Variants in ITK observed in about 807,000 individuals in gnomAD.
ITK encodes the protein tyrosine-protein kinase ITK/TSK.
ITK carries 45 observed loss-of-function variants against 87.6 expected under a neutral mutation model. That is an observed-to-expected ratio of 0.51 (90% CI 0.40 to 0.66). ITK has a LOEUF of 0.66. Ranked by LOEUF, ITK falls within the 30% of genes least tolerant of loss-of-function variation. ITK has a pLI of 0.00. For missense variants in ITK, 605 were observed against 766.3 expected, an observed-to-expected ratio of 0.79 and a Z score of 2.48; for synonymous variants, 303 against 273.6, an observed-to-expected ratio of 1.11 and a Z score of -1.06.
intron 8 of ITK, among the ~76,000 whole-genome samples, chr5:157,235,465 T>C (rs542539412): frequency 5.3e-5 from 8 of 152,236 alleles, no homozygotes; most frequent in Non-Finnish European, 1.0e-4. Flanking sequence ...ACTTCTCCAG[T>C]GGCTCTGTTC....
chr5:157,233,498 A>ACAAAAC (rs1754700371), intron 8 of ITK, among the ~76,000 whole-genome samples: 1 of 152,168 alleles, frequency 6.6e-6, no homozygotes, highest in Non-Finnish European at 1.5e-5. Context: ...CCAAAAAAAC[A>ACAAAAC]CACATTAGAA....
chr5:157,217,743 G>A, intron 4 of ITK, 124 bp from the exon 5 acceptor site: 1 of 791,924 alleles, frequency 1.3e-6, no homozygotes, highest in East Asian at 2.5e-5. Context: ...GCTCCTTCTG[G>A]CCCCCTTTCT....
intron 7 of ITK, among the ~76,000 whole-genome samples, chr5:157,230,164 C>T (rs931317336): frequency 1.3e-5 from 2 of 151,992 alleles, no homozygotes; most frequent in African/African-American, 2.4e-5. Context: ...CACAGAAGTA[C>T]TTAGGAATAA....
At chr5:157,214,035 C>T (rs1754247076) in intron 3 of ITK, among the ~76,000 whole-genome samples, 156 bp from the exon 4 acceptor site, 1 of 152,172 alleles carries the variant, frequency 6.6e-6, no homozygotes, top group African/African-American at 2.4e-5. Context: ...TAGCACAGTG[C>T]ATTTATGCGC....
intron 2 of ITK, 65 bp downstream of exon 2, chr5:157,209,058 G>C (rs544701669): frequency 2.0e-4 from 215 of 1,082,296 alleles, no homozygotes; most frequent in Non-Finnish European, 2.6e-4. Context: ...AGTCACAGCC[G>C]GGTGCAGTGG....
At chr5:157,222,154 T>C (rs1754432681) in intron 5 of ITK, among the ~76,000 whole-genome samples, 1 of 152,142 alleles carries the variant, frequency 6.6e-6, no homozygotes, top group Admixed American at 6.5e-5. Context: ...ACTTAATATT[T>C]CCCTACATTT....
rs183109547 is a variant in ITK at position 157,182,197 on chromosome 5, T to A, written c.138+1082T>A. 4.6e-4 allele frequency among the ~76,000 whole-genome samples: 70 copies of A among 152,340 alleles called. 1 individual carries two copies. The highest frequency in any genetic ancestry group is 1.6e-3 in the African/African-American group (67 of 41,586). On this transcript the variant is annotated intron_variant, in intron 1 of 16. Coordinates refer to ENST00000422843, the MANE Select transcript of ITK (RefSeq NM_005546.4). ...ACAAGGATTATCACTTATATTTTACTGAAGGGAAAATAATATTAGGTGCCT... is the reference window on the plus strand; with the variant it reads ...ACAAGGATTATCACTTATATTTTACAGAAGGGAAAATAATATTAGGTGCCT...
At chr5:157,250,103 G>T (rs909995244) in intron 16 of ITK, among the ~76,000 whole-genome samples, 2 of 152,100 alleles carry the variant, frequency 1.3e-5, no homozygotes, top group Non-Finnish European at 2.9e-5. Flanking sequence ...TTACATTAAG[G>T]TTCAGTCTTT....
intron 3 of ITK, chr5:157,213,440 C>G: frequency 2.7e-6 from 1 of 366,022 alleles, no homozygotes; most frequent in South Asian, 2.1e-5. Flanking sequence ...TGCAGTAGCA[C>G]AAGCATGGCT....
chr5:157,215,200 G>C (rs901434618), intron 4 of ITK, among the ~76,000 whole-genome samples: 2 of 152,142 alleles, frequency 1.3e-5, no homozygotes, highest in Non-Finnish European at 2.9e-5. Flanking sequence ...ATCCATTGTC[G>C]AATAGGAATA....
chr5:157,185,999 C>A (rs981525980), intron 1 of ITK, among the ~76,000 whole-genome samples: 1 of 152,126 alleles, frequency 6.6e-6, no homozygotes, highest in East Asian at 1.9e-4. Context: ...TTCACCTAAC[C>A]ATTATAACCA....
At chr5:157,244,048 C>T in intron 12 of ITK, 1 of 671,400 alleles carries the variant, frequency 1.5e-6, no homozygotes. Flanking sequence ...GCCACACTGG[C>T]CTCTGCTCAT....
intron 4 of ITK, among the ~76,000 whole-genome samples, chr5:157,217,203 G>GAGAAAT (rs768811252): frequency 3.9e-5 from 6 of 152,088 alleles, no homozygotes; most frequent in Non-Finnish European, 5.9e-5. Flanking sequence ...GAAAGAGAAA[G>GAGAAAT]AGAGAGGAGA....
Position 157,252,741 on chromosome 5 carries a change from C to T in ITK, c.*63C>T. On this transcript the variant is annotated 3_prime_UTR_variant, in exon 17 of 17. Coordinates refer to ENST00000422843, the MANE Select transcript of ITK (RefSeq NM_005546.4). ...AATGGAGGAAGGATATGTCCTCATT[C>T]CATAGAGCATTAGAAGCTGCCACCA... is the stretch of plus-strand genomic sequence containing the variant. The T allele has an allele frequency of 7.8e-7, 1 of 1,284,538 alleles. No homozygotes were observed. Among genetic ancestry groups the T allele is most frequent in the Non-Finnish European group, 1.1e-6 (1 of 880,076 alleles). 79.6% of individuals were successfully genotyped at this position (1,284,538 alleles called of 1,614,324 possible). A position where few individuals can be genotyped will look rare whatever the true frequency, so the allele number is the denominator to read the frequency against.
In ITK at chr5:157,198,190, C is replaced by G. The variant is rs114122396; in HGVS notation, c.139-10699C>G. On this transcript the variant is annotated intron_variant, in intron 1 of 16. Transcript: ENST00000422843. Reference sequence around the variant, plus strand: ...CCTACTCCCAGCCCCCAGGACCACCCACACAGGTATCTGCTCTTCATAGTT... The same window carrying G: ...CCTACTCCCAGCCCCCAGGACCACCGACACAGGTATCTGCTCTTCATAGTT... Among the ~76,000 whole-genome samples the G allele has an allele frequency of 9.0e-3, 1,372 of 151,974 alleles. 25 individuals carry two copies. Among genetic ancestry groups the G allele is most frequent in the African/African-American group, 0.031 (1,306 of 41,468 alleles).
intron 13 of ITK, 57 bp from the exon 14 acceptor site, chr5:157,245,669 A>G: frequency 2.2e-6 from 3 of 1,358,426 alleles, no homozygotes; most frequent in East Asian, 2.3e-5. Context: ...CTCCTTAACT[A>G]CTGATGACTC....
chr5:157,186,749 TC>T (rs1753652551), intron 1 of ITK, among the ~76,000 whole-genome samples: 1 of 151,914 alleles, frequency 6.6e-6, no homozygotes, highest in South Asian at 2.1e-4. Context: ...TCCTAGAATC[TC>T]CCCAGATTCC....
intron 1 of ITK, among the ~76,000 whole-genome samples, chr5:157,201,336 CA>C (rs1753969968): frequency 7.4e-6 from 1 of 134,750 alleles, no homozygotes; most frequent in Admixed American, 8.2e-5. Context: ...CTTGCTCTGT[CA>C]CCCAGGCTGG....
At chr5:157,221,927 G>GGTCA (rs1158990962) in intron 5 of ITK, among the ~76,000 whole-genome samples, 3 of 151,946 alleles carry the variant, frequency 2.0e-5, no homozygotes, top group Admixed American at 1.3e-4. Flanking sequence ...GAGGCAGGAG[G>GGTCA]GTCACTTGAG....
Sources: allele counts gnomAD v4.1 joint callset (sites outside exome capture counted in the v4.1 genomes callset), GRCh38; gene constraint gnomAD v4.1.1; transcripts MANE v1.5; gene names NCBI Gene and HGNC (gene_info 2026-07-23, HGNC 2026-07-21).